The following COL6A2 variants were observed in gnomAD, a reference collection of about 807,000 sequenced individuals.
COL6A2 encodes collagen type VI alpha 2 chain, also known as collagen alpha-2(VI) chain.
Under a neutral mutation model 124.9 loss-of-function variants are expected in COL6A2, and 90 were observed. That is an observed-to-expected ratio of 0.72 (90% confidence interval 0.61 to 0.86). The LOEUF is 0.86. Ranked by LOEUF, COL6A2 falls within the 40% of genes least tolerant of loss-of-function variation. The pLI is 0.00. For synonymous variants in COL6A2, 793 were observed against 618.2 expected, an observed-to-expected ratio of 1.28 and a Z score of -4.19; for missense variants, 1,607 against 1,502.5, an observed-to-expected ratio of 1.07 and a Z score of -1.15.
rs756849404 is a variant in COL6A2 at position 46,112,811 on chromosome 21, A to C, written c.722A>C (p.Glu241Ala). Reference sequence around the variant, plus strand: ...TGTCTGTCTTTTCTGCAGAAACACGAAGCCTACGGAGAGGTGAGTGGCGCT... The same window carrying C: ...TGTCTGTCTTTTCTGCAGAAACACGCAGCCTACGGAGAGGTGAGTGGCGCT... Reference protein sequence around the residue: ...INRIIKVMKHEAYGECYKVSC... With the variant: ...INRIIKVMKHAAYGECYKVSC... The change falls in exon 4 of 28, where the codon GAA (glutamate) becomes GCA (alanine). Residue 241 changes from glutamate (E) to alanine (A), a missense_variant. Glu to Ala is a moderately radical substitution (Grantham distance 107). Around this residue, in one of 3 missense-constraint regions of COL6A2, gnomAD observed 342 missense variants for 381.5 expected, o/e 0.90. Transcript: ENST00000300527. 3.1e-6 allele frequency: 5 copies of C among 1,613,730 alleles called. No individual in the cohort carries two copies. The highest frequency in any genetic ancestry group is 3.4e-6 in the Non-Finnish European group (4 of 1,180,004).
chr21:46,106,605 C>A (rs189050682), intron 1 of COL6A2, among the ~76,000 whole-genome samples: 1 of 152,344 alleles, frequency 6.6e-6, no homozygotes, highest in Admixed American at 6.5e-5. Context: ...TCAGATACTT[C>A]CTTTTCCTGG....
rs142328765 is a variant in COL6A2, at chr21:46,112,373, C to T, written c.510C>T (p.Cys170=). ...ACGGCCACGTCACCGGCAGCCCCTG[C>T]GGGGGCATCAAGCTGCAGGCCGAGC... ...ITDGHVTGSP[C]GGIKLQAERA... is the part of the protein sequence containing the mutation. The change falls in exon 3 of 28, where the codon TGC becomes TGT. Residue 170 remains cysteine, a synonymous_variant. Coordinates refer to ENST00000300527, the MANE Select transcript of COL6A2 (RefSeq NM_001849.4). 5.0e-3 allele frequency: 7,990 copies of T among 1,606,742 alleles called. 24 individuals are homozygous for T. Among genetic ancestry groups the T allele is most frequent in the Non-Finnish European group, 6.0e-3 (7,079 of 1,177,792 alleles).
chr21:46,118,709 G>C, intron 13 of COL6A2, 33 bp downstream of exon 13: 1 of 1,593,864 alleles, frequency 6.3e-7, no homozygotes, highest in Non-Finnish European at 8.5e-7. Flanking sequence ...CTGCAGCTGA[G>C]CTGGCCACAC....
intron 1 of COL6A2, among the ~76,000 whole-genome samples, chr21:46,099,684 TCCGCCCAGGATCCAAACACCCAGCC>T (rs1431683149): frequency 1.3e-5 from 2 of 152,020 alleles, no homozygotes; most frequent in Non-Finnish European, 2.9e-5. Flanking sequence ...GCTGCCCAGG[TCCGCCCAGGATCCAAACACCCAGCC>T]CCGCCCAGCG....
chr21:46,129,934 AGGGT>A, intron 27 of COL6A2: 1 of 763,468 alleles, frequency 1.3e-6, no homozygotes, highest in Non-Finnish European at 1.6e-6. Flanking sequence ...GGGCTGAGGG[AGGGT>A]GCTGCCCAGG....
At chr21:46,123,037 A>G in intron 21 of COL6A2, 100 bp downstream of exon 21, 1 of 1,217,604 alleles carries the variant, frequency 8.2e-7, no homozygotes, top group Non-Finnish European at 1.2e-6. Flanking sequence ...AACGCCAGGC[A>G]GCTTGGCCCC....
intron 1 of COL6A2, among the ~76,000 whole-genome samples, chr21:46,110,648 C>A (rs1005449434): frequency 1.3e-5 from 2 of 152,196 alleles, no homozygotes; most frequent in Admixed American, 6.5e-5. Flanking sequence ...ACACTCCTCC[C>A]ATCTGCACCG....
At chr21:46,114,230 T>G (rs545127222) in intron 5 of COL6A2, among the ~76,000 whole-genome samples, 157 bp downstream of exon 5, 13 of 152,036 alleles carry the variant, frequency 8.6e-5, no homozygotes, top group African/African-American at 2.2e-4. Context: ...ATCGAGACCA[T>G]CCTGGCTAAC....
chr21:46,119,875 CA>C (rs767537429), intron 15 of COL6A2, 25 bp downstream of exon 15: 1 of 1,550,834 alleles, frequency 6.4e-7, no homozygotes, highest in Non-Finnish European at 8.7e-7. Flanking sequence ...GGAGGCAGCC[CA>C]GGGTCTCACT....
Position 46,116,147 on chromosome 21 carries a change from G to T in COL6A2, c.900+94G>T. On this transcript the variant is annotated intron_variant, in intron 7 of 27. Transcript: ENST00000300527. This position sits in a 1 kb window ranked among gnomAD's most constrained non-coding sequence, Gnocchi z 4.6. ...GCCCAGCCTCGGCCTCAGCCTCTAC[G>T]ACCCTCCCCCCAGTTACCAAGGAAC... 1 of 1,325,954 alleles carries T rather than the reference G, an allele frequency of 7.5e-7. No individual in the cohort carries two copies. 82.1% of individuals were successfully genotyped at this position (1,325,954 alleles called of 1,614,324 possible). A position where few individuals can be genotyped will look rare whatever the true frequency, so the allele number is the denominator to read the frequency against.
At chr21:46,104,336 A>G (rs1601205196) in intron 1 of COL6A2, among the ~76,000 whole-genome samples, 1 of 152,320 alleles carries the variant, frequency 6.6e-6, no homozygotes, top group East Asian at 1.9e-4. Flanking sequence ...AAAGCTAGAA[A>G]TTTTAAAAAG....
In COL6A2 at chr21:46,132,499, G is replaced by A. The variant is rs1601270126; in HGVS notation, c.3007G>A (p.Asp1003Asn). Residue 1003 changes from aspartate to asparagine, a missense_variant, in exon 28 of 28, where the codon GAC becomes AAC. Coordinates refer to ENST00000300527, the MANE Select transcript of COL6A2 (RefSeq NM_001849.4). ...RAAVFHEKDYDSLAQPGFFDR... is the reference protein window; with the variant it reads ...RAAVFHEKDYNSLAQPGFFDR... ...CGCCGTGTTCCACGAGAAGGACTAT[G>A]ACAGCCTGGCGCAACCCGGCTTCTT... 1.9e-6 allele frequency: 3 copies of A among 1,607,918 alleles called. No homozygotes were observed. Among genetic ancestry groups the A allele is most frequent in the African/African-American group, 1.3e-5 (1 of 75,032 alleles).
rs148200218 is a variant in COL6A2 at position 46,121,993 on chromosome 21, G to A, written c.1522-115G>A. 6.4e-5 allele frequency: 71 copies of A among 1,115,242 alleles called. No homozygotes were observed. In the African/African-American group the frequency reaches 7.2e-4, roughly 11 times the overall value. The allele number at this position is 1,115,242 out of a possible 1,614,324, so 69.1% of individuals were successfully genotyped here. A position where few individuals can be genotyped will look rare whatever the true frequency, so the allele number is the denominator to read the frequency against. On this transcript the variant is annotated intron_variant, in intron 18 of 27. Coordinates refer to ENST00000300527, the MANE Select transcript of COL6A2 (RefSeq NM_001849.4). ...AGGCCTCTGCTCACAGCCAGAACTC[G>A]ACGGCACCCCTAGCCCACTTCCACC...
Position 46,132,252 on chromosome 21 carries a change from CGTG to C in COL6A2, c.2764_2766del (p.Val922del). 1.2e-6 allele frequency: 2 copies of C among 1,605,052 alleles called. No individual in the cohort carries two copies. Among genetic ancestry groups the C allele is most frequent in the Non-Finnish European group, 1.7e-6 (2 of 1,177,738 alleles). ...ACTCCTTCTCGCACGTGGGCGCAGGCGTGGTGCACGCCATCAATGCCATCGTGC... is the reference window on the plus strand; with the variant it reads ...ACTCCTTCTCGCACGTGGGCGCAGGCGTGCACGCCATCAATGCCATCGTGC... On this transcript the variant is annotated inframe_deletion, in exon 28 of 28. Coordinates refer to ENST00000300527, the MANE Select transcript of COL6A2 (RefSeq NM_001849.4).
chr21:46,132,311 C>A lies in COL6A2; in HGVS notation c.2819C>A (p.Ala940Glu), dbSNP rs745833930. 1 of 1,606,942 alleles carries A rather than the reference C, an allele frequency of 6.2e-7. No homozygotes were observed. The change falls in exon 28 of 28, where the codon GCA becomes GAA. Residue 940 changes from alanine to glutamate, a missense_variant. Physicochemically the swap from Ala to Glu is moderately radical, Grantham distance 107 (BLOSUM62 -1). Coordinates refer to ENST00000300527, the MANE Select transcript of COL6A2 (RefSeq NM_001849.4). ...CCGCGTGGCGGGGCCCGGAGGCACG[C>A]AGAGCTGTCCTTCGTGTTCCTCACG... is the stretch of plus-strand genomic sequence containing the variant. The part of the protein sequence containing the change: ...RSPRGGARRH[A>E]ELSFVFLTDG...
chr21:46,129,195 G>C, intron 27 of COL6A2: 1 of 1,612,878 alleles, frequency 6.2e-7, no homozygotes, highest in East Asian at 2.2e-5. Context: ...CTCCCTTGCA[G>C]ATGCACCGTG....
chr21:46,107,356 G>A (rs1001674372), intron 1 of COL6A2, among the ~76,000 whole-genome samples: 25 of 151,968 alleles, frequency 1.6e-4, no homozygotes, highest in South Asian at 6.2e-4. Flanking sequence ...CCTATATGCT[G>A]TGACTTACTT....
chr21:46,110,767 C>T (rs573238618), intron 1 of COL6A2, among the ~76,000 whole-genome samples: 2 of 149,314 alleles, frequency 1.3e-5, no homozygotes, highest in African/African-American at 2.5e-5. Context: ...CCCCACTCTG[C>T]GGAGCCAGCA....
At chr21:46,126,791 G>A (rs763544854) in intron 27 of COL6A2, among the ~76,000 whole-genome samples, 15 of 152,188 alleles carry the variant, frequency 9.9e-5, no homozygotes, top group East Asian at 5.8e-4. Flanking sequence ...CTAGCCTGGC[G>A]CTGTGCTCGG....
Sources: gnomAD v4.1 joint callset for allele counts (sites outside exome capture counted in the v4.1 genomes callset) on GRCh38, gnomAD v4.1.1 for gene constraint, gnomAD v4.1.1 regional missense constraint, Gnocchi (gnomAD v3.1) non-coding constraint, MANE v1.5 for transcripts, NCBI Gene and HGNC (gene_info 2026-07-23, HGNC 2026-07-21) for gene names.